The following ADGRB3 variants were observed in gnomAD, a reference collection of about 807,000 sequenced individuals.
ADGRB3 encodes the protein brain-specific angiogenesis inhibitor 3.
Under a neutral mutation model 193.4 loss-of-function variants are expected in ADGRB3, and 37 were observed. The observed-to-expected ratio is 0.19, with a 90% CI of 0.15 to 0.25. ADGRB3 has a LOEUF of 0.25. Among genes scored for constraint, ADGRB3 ranks in the 10% least tolerant of loss-of-function variants. ADGRB3 has a pLI of 1.00. For synonymous variants in ADGRB3, 690 were observed against 644.2 expected, an observed-to-expected ratio of 1.07 and a Z score of -1.08; for missense variants, 1,637 against 1,852.9, an observed-to-expected ratio of 0.88 and a Z score of 2.14.
At chr6:68,643,475 A>G (rs9454600) in intron 3 of ADGRB3, among the ~76,000 whole-genome samples, 6,685 of 108,558 alleles carry the variant, frequency 0.062, 597 homozygotes, top group African/African-American at 0.22. Flanking sequence ...TGTCACTGCC[A>G]GGATGCCATA....
rs149057574 is a variant in ADGRB3 at position 69,192,192 on chromosome 6, G to A, written c.2481-41098G>A. ...CTGAGGAGCAAGGAAGCCAGTTGGA[G>A]ATCCGAAACCTCAAAGGTAAGAAAG... On this transcript the variant is annotated intron_variant, in intron 17 of 31. Coordinates refer to ENST00000370598, the MANE Select transcript of ADGRB3 (RefSeq NM_001704.3). Among the ~76,000 whole-genome samples the A allele has an allele frequency of 1.2e-3, 186 of 152,256 alleles. 2 individuals are homozygous for A. The South Asian group carries it at 0.031, about 25-fold the overall frequency.
chr6:68,880,335 T>C (rs1183924693), intron 3 of ADGRB3, among the ~76,000 whole-genome samples: 2 of 152,214 alleles, frequency 1.3e-5, no homozygotes, highest in Non-Finnish European at 2.9e-5. Context: ...TTCAAATAAA[T>C]AGCTTCCTTC....
At chr6:68,840,983 A>G (rs146756028) in intron 3 of ADGRB3, among the ~76,000 whole-genome samples, 22 of 152,318 alleles carry the variant, frequency 1.4e-4, no homozygotes, top group African/African-American at 4.8e-4. Context: ...TTTCAAGACA[A>G]AAGCTATTAA....
chr6:69,276,347 A>G (rs1767302830), intron 20 of ADGRB3, among the ~76,000 whole-genome samples: 2 of 152,224 alleles, frequency 1.3e-5, no homozygotes, highest in Non-Finnish European at 2.9e-5. Context: ...AAGCAATCTT[A>G]TGAATTCAGT....
chr6:68,783,642 TA>T (rs199901529), intron 3 of ADGRB3, among the ~76,000 whole-genome samples: 3,496 of 151,866 alleles, frequency 0.023, 67 homozygotes, highest in South Asian at 0.075. Context: ...GGAATTTTCA[TA>T]AGAGAAAAGC....
chr6:69,242,582 A>G (rs973722237), intron 20 of ADGRB3, among the ~76,000 whole-genome samples: 1 of 151,964 alleles, frequency 6.6e-6, no homozygotes, highest in Non-Finnish European at 1.5e-5. Flanking sequence ...GCTACTGAGT[A>G]TCTCTGCTTC....
At chr6:69,209,764 T>A (rs565684666) in intron 17 of ADGRB3, among the ~76,000 whole-genome samples, 1 of 152,202 alleles carries the variant, frequency 6.6e-6, no homozygotes, top group African/African-American at 2.4e-5. Context: ...AGGTACCAGA[T>A]GTTCTTTGGT....
chr6:69,186,599 TCA>T lies in ADGRB3; in HGVS notation c.2481-46690_2481-46689del, dbSNP rs1167828003. On this transcript the variant is annotated intron_variant, in intron 17 of 31. Transcript: ENST00000370598. The stretch of plus-strand genomic sequence containing the variant: ...GAGAAGCCTGGCACATAATAAAATC[TCA>T]GTCACTATTTTTTAGTACACGTTTG... 2.0e-5 allele frequency among the ~76,000 whole-genome samples: 3 copies of T among 151,998 alleles called. No homozygotes were observed. The East Asian group carries it at 5.8e-4, about 29-fold the overall frequency.
chr6:68,719,795 G>A (rs1270140854), intron 3 of ADGRB3, among the ~76,000 whole-genome samples: 1 of 151,322 alleles, frequency 6.6e-6, no homozygotes, highest in Non-Finnish European at 1.5e-5. Context: ...AAGAGCAAAT[G>A]ATACCAAGAT....
chr6:69,147,158 C>A (rs112818854), intron 17 of ADGRB3, among the ~76,000 whole-genome samples: 1 of 151,844 alleles, frequency 6.6e-6, no homozygotes, highest in Non-Finnish European at 1.5e-5. Context: ...CAGCTCTGAT[C>A]TTTATTATTT....
intron 3 of ADGRB3, among the ~76,000 whole-genome samples, chr6:68,858,289 G>A (rs1765043877): frequency 6.6e-6 from 1 of 152,088 alleles, no homozygotes; most frequent in African/African-American, 2.4e-5. Flanking sequence ...TGGATCACAA[G>A]GTCAGGAGTT....
intron 20 of ADGRB3, among the ~76,000 whole-genome samples, chr6:69,319,428 T>A (rs1181092843): frequency 6.6e-6 from 1 of 151,320 alleles, no homozygotes; most frequent in Non-Finnish European, 1.5e-5. Flanking sequence ...TCTGTTTTTT[T>A]ATGTACAATA....
chr6:68,730,630 T>C (rs1180107735), intron 3 of ADGRB3, among the ~76,000 whole-genome samples: 2 of 151,698 alleles, frequency 1.3e-5, no homozygotes, highest in Non-Finnish European at 3.0e-5. Flanking sequence ...TGCTTTTTGG[T>C]CGTTGCTAGG....
intron 20 of ADGRB3, among the ~76,000 whole-genome samples, chr6:69,270,458 T>C (rs970868411): frequency 4.6e-5 from 7 of 152,160 alleles, no homozygotes; most frequent in Admixed American, 6.6e-5. Flanking sequence ...ATTTTAACTA[T>C]AAGACTTACC....
Position 68,639,253 on chromosome 6 carries a change from A to G in ADGRB3, c.578A>G (p.Tyr193Cys). ...AGAACAGAATCATGTGGGATCATGT[A>G]TACAAAATGCACCTGCCCTCAGCAT... ...NGRTESCGIM[Y>C]TKCTCPQHLG... Residue 193 changes from tyrosine (Y) to cysteine (C), a missense_variant, in exon 3 of 32, where the codon TAT (tyrosine) becomes TGT (cysteine). This residue lies in a region of ADGRB3 where 365 missense variants were observed against 409.8 expected (regional missense o/e 0.89). Transcript: ENST00000370598. The G allele has an allele frequency of 1.2e-6, 2 of 1,614,176 alleles. No individual in the cohort carries two copies. The highest frequency in any genetic ancestry group is 1.7e-6 in the Non-Finnish European group (2 of 1,180,030).
At chr6:68,816,329 T>C (rs1017359205) in intron 3 of ADGRB3, among the ~76,000 whole-genome samples, 1 of 150,156 alleles carries the variant, frequency 6.7e-6, no homozygotes, top group African/African-American at 2.5e-5. Context: ...TACTGAGTTA[T>C]GACACTGTTA....
intron 3 of ADGRB3, among the ~76,000 whole-genome samples, chr6:68,683,384 A>G (rs1255056352): frequency 2.6e-5 from 4 of 152,286 alleles, no homozygotes; most frequent in Admixed American, 2.6e-4. Flanking sequence ...CAGCCATAAA[A>G]CAAAAATATT....
At chr6:69,067,605 A>G (rs1317100841) in intron 16 of ADGRB3, among the ~76,000 whole-genome samples, 1 of 152,116 alleles carries the variant, frequency 6.6e-6, no homozygotes, top group Non-Finnish European at 1.5e-5. Context: ...ATTTTCACAA[A>G]GGGCTGTTTG....
intron 3 of ADGRB3, among the ~76,000 whole-genome samples, chr6:68,724,256 AGCCATATTGCACAGAT>A (rs1262152495): frequency 6.6e-6 from 1 of 151,678 alleles, no homozygotes; most frequent in African/African-American, 2.4e-5. Context: ...AAGTCCTTTT[AGCCATATTGCACAGAT>A]GCCAAATTCC....
Sources: gnomAD v4.1 joint callset for allele counts (sites outside exome capture counted in the v4.1 genomes callset) on GRCh38, gnomAD v4.1.1 for gene constraint, gnomAD v4.1.1 regional missense constraint, MANE v1.5 for transcripts, NCBI Gene and HGNC (gene_info 2026-07-23, HGNC 2026-07-21) for gene names.